Variants in PPP1R2 observed in about 807,000 individuals in gnomAD.
PPP1R2 encodes protein phosphatase 1 regulatory inhibitor subunit 2.
PPP1R2 carries 16 observed loss-of-function variants against 29.9 expected under a neutral mutation model. The ratio of observed to expected loss-of-function variants is 0.53; its 90% CI spans 0.36 to 0.81. The LOEUF is 0.81. Ranked by LOEUF, PPP1R2 falls within the 30% of genes least tolerant of loss-of-function variation. The pLI, the probability that PPP1R2 is intolerant of heterozygous loss-of-function variation, is 0.00. For missense variants in PPP1R2, 197 were observed against 252.7 expected (o/e 0.78, Z 1.49); for synonymous variants, 76 against 91.5 (o/e 0.83, Z 0.96).
chr3:195,520,054 A>C (rs904532686), intron 4 of PPP1R2, among the ~76,000 whole-genome samples: 1 of 152,066 alleles, frequency 6.6e-6, no homozygotes, highest in Non-Finnish European at 1.5e-5. Flanking sequence ...CTAATTGCCC[A>C]GGCTGGAGTG....
intron 4 of PPP1R2, among the ~76,000 whole-genome samples, chr3:195,522,467 A>C (rs1032406247): frequency 1.7e-4 from 26 of 152,218 alleles, no homozygotes; most frequent in Non-Finnish European, 3.5e-4. Context: ...TGAAATCACA[A>C]CTTGAGAAAA....
chr3:195,528,007 A>C (rs1391752391), intron 2 of PPP1R2: 1 of 297,282 alleles, frequency 3.4e-6, no homozygotes, highest in Non-Finnish European at 6.6e-6. Context: ...ATTTATTTTT[A>C]CTTCAATAGG....
At chr3:195,537,480 A>ATT (rs10593550) in intron 1 of PPP1R2, among the ~76,000 whole-genome samples, 307 of 29,288 alleles carry the variant, frequency 0.01, 6 homozygotes, top group African/African-American at 0.031. Context: ...AGGATTAGCT[A>ATT]TTGTGTGTGT....
chr3:195,527,807 A>T (rs1719027643), intron 2 of PPP1R2: 1 of 240,378 alleles, frequency 4.2e-6, no homozygotes, highest in Non-Finnish European at 8.4e-6. Context: ...TCCAGGCTGT[A>T]GTGTGCTATA....
At position 195,543,237 on chromosome 3, in the gene PPP1R2, G is replaced by A. The variant is rs1269238011; in HGVS notation, c.-212C>T. 6 of 606,308 alleles carry A rather than the reference G, an allele frequency of 9.9e-6. No homozygotes were observed. In the East Asian group the frequency reaches 1.4e-4, roughly 14 times the overall value. 37.6% of individuals were successfully genotyped at this position (606,308 alleles called of 1,614,324 possible). On this transcript the variant is annotated 5_prime_UTR_variant, in exon 1 of 6. Transcript: ENST00000618156. ...AACGCCGAACGGGTGGCGGCTACTC[G>A]CGCACCCTTAGCCACTGGCACTTGA...
In PPP1R2 at chr3:195,516,837, C is replaced by CG. The variant is rs1233280233; in HGVS notation, c.*58dup. On this transcript the variant is annotated 3_prime_UTR_variant, in exon 6 of 6. Coordinates refer to ENST00000618156, the MANE Select transcript of PPP1R2 (RefSeq NM_006241.8). ...ATGAATTGTGAAGAACAAGAAGCAA[C>CG]GTACTATAGTCACAGGGTTTACATC... 5 of 1,443,814 alleles carry CG rather than the reference C, an allele frequency of 3.5e-6. No individual in the cohort carries two copies. The African/African-American group carries it at 5.6e-5, about 16-fold the overall frequency. 89.4% of individuals were successfully genotyped at this position (1,443,814 alleles called of 1,614,324 possible). A position where few individuals can be genotyped will look rare whatever the true frequency, so the allele number is the denominator to read the frequency against.
At chr3:195,519,532 T>C (rs540757056) in intron 4 of PPP1R2, 2 of 177,526 alleles carry the variant, frequency 1.1e-5, no homozygotes, top group South Asian at 1.7e-4. Flanking sequence ...ATATTTACTA[T>C]GTACAATGCC....
Position 195,515,930 on chromosome 3 carries a change from G to A in PPP1R2, c.*966C>T, listed in dbSNP as rs1577558750. On this transcript the variant is annotated 3_prime_UTR_variant, in exon 6 of 6. Coordinates refer to ENST00000618156, the MANE Select transcript of PPP1R2 (RefSeq NM_006241.8). ...AAACTATTTTCTTCACGTATTAGAA[G>A]AATTCATAGGCATTGATGGTCAAAA... 6.6e-6 allele frequency: 1 copy of A among 152,202 alleles called. No homozygotes were observed. The highest frequency in any genetic ancestry group is 1.9e-4 in the East Asian group (1 of 5,184). 9.4% of individuals were successfully genotyped at this position (152,202 alleles called of 1,614,324 possible). A position where few individuals can be genotyped will look rare whatever the true frequency, so the allele number is the denominator to read the frequency against.
At chr3:195,527,775 G>C in intron 2 of PPP1R2, 1 of 187,774 alleles carries the variant, frequency 5.3e-6, no homozygotes, top group South Asian at 8.1e-5. Context: ...GCGGAGGAGG[G>C]AGGATCACTT....
At chr3:195,541,608 T>C (rs532770249) in intron 1 of PPP1R2, among the ~76,000 whole-genome samples, 7 of 152,210 alleles carry the variant, frequency 4.6e-5, no homozygotes, top group African/African-American at 1.7e-4. Context: ...TTATTTATCT[T>C]TTAACTAACT....
intron 3 of PPP1R2, among the ~76,000 whole-genome samples, chr3:195,524,164 T>C (rs143689675): frequency 6.0e-4 from 92 of 152,206 alleles, no homozygotes; most frequent in African/African-American, 2.1e-3. Context: ...AATCAGTAAG[T>C]AGCAAAGGAA....
At chr3:195,518,525 C>T (rs1261036593) in intron 5 of PPP1R2, among the ~76,000 whole-genome samples, 1 of 152,012 alleles carries the variant, frequency 6.6e-6, no homozygotes, top group Non-Finnish European at 1.5e-5. Flanking sequence ...GTGGCAGGCG[C>T]CTGTAATCCC....
At chr3:195,534,354 G>A (rs1240858965) in intron 1 of PPP1R2, among the ~76,000 whole-genome samples, 1 of 152,090 alleles carries the variant, frequency 6.6e-6, no homozygotes, top group Non-Finnish European at 1.5e-5. Flanking sequence ...AAGGAGAAAG[G>A]ACATCTGATC....
At chr3:195,530,643 A>G (rs1443233007) in intron 1 of PPP1R2, among the ~76,000 whole-genome samples, 1 of 151,972 alleles carries the variant, frequency 6.6e-6, no homozygotes, top group African/African-American at 2.4e-5. Flanking sequence ...CCCCTGTCTC[A>G]GCCTCCCGAG....
intron 1 of PPP1R2, among the ~76,000 whole-genome samples, chr3:195,540,786 C>G (rs1018402304): frequency 6.6e-6 from 1 of 152,156 alleles, no homozygotes; most frequent in Non-Finnish European, 1.5e-5. Context: ...ACGCTCTCAC[C>G]AGATGCACCC....
intron 5 of PPP1R2, among the ~76,000 whole-genome samples, chr3:195,518,480 T>C (rs1156263911): frequency 2.6e-5 from 4 of 151,578 alleles, no homozygotes; most frequent in Non-Finnish European, 5.9e-5. Flanking sequence ...TGAAACCCCA[T>C]CTCTACTAAA....
chr3:195,537,866 C>A (rs756268573), intron 1 of PPP1R2, among the ~76,000 whole-genome samples: 7 of 152,082 alleles, frequency 4.6e-5, no homozygotes, highest in Non-Finnish European at 8.8e-5. Flanking sequence ...AACGGTATTA[C>A]AAAACAGACT....
chr3:195,534,340 T>C (rs1719294311), intron 1 of PPP1R2, among the ~76,000 whole-genome samples: 3 of 151,944 alleles, frequency 2.0e-5, no homozygotes, highest in African/African-American at 7.3e-5. Flanking sequence ...AAGAAAAAAT[T>C]ATTAAGGAGA....
chr3:195,538,968 A>C (rs1719492091), intron 1 of PPP1R2, among the ~76,000 whole-genome samples: 1 of 152,220 alleles, frequency 6.6e-6, no homozygotes, highest in Non-Finnish European at 1.5e-5. Flanking sequence ...TAACCACTAA[A>C]CTATAATCCT....
Sources: gnomAD v4.1 joint callset for allele counts (sites outside exome capture counted in the v4.1 genomes callset) on GRCh38, gnomAD v4.1.1 for gene constraint, MANE v1.5 for transcripts, NCBI Gene and HGNC (gene_info 2026-07-23, HGNC 2026-07-21) for gene names.